PHB1: variants seen among roughly 807,000 people sequenced by gnomAD.
PHB1 encodes epididymis luminal protein 215.
chr17:49,404,384 C>T, the PHB1 span: 1 of 155,760 alleles, frequency 6.4e-6, no homozygotes, highest in African/African-American at 2.4e-5. Context: ...CCCACCTCAA[C>T]AGGGGCAGAT....
the PHB1 span, chr17:49,414,809 G>C: frequency 3.5e-3 from 536 of 152,472 alleles, 8 homozygotes; most frequent in South Asian, 0.013. Flanking sequence ...CCAGAAACGA[G>C]CCTTTGCCGC....
At chr17:49,409,057 C>T in the PHB1 span, 2 of 1,602,834 alleles carry the variant, frequency 1.2e-6, no homozygotes, top group Non-Finnish European at 1.7e-6. Context: ...ACACGTCATC[C>T]AGGATGAGCC....
chr17:49,409,756 A>T, the PHB1 span, among the ~76,000 whole-genome samples: 663 of 152,124 alleles, frequency 4.4e-3, 5 homozygotes, highest in African/African-American at 0.015. Context: ...GGCTGGTCTC[A>T]AACTCCTGAC....
chr17:49,408,283 G>A, the PHB1 span, among the ~76,000 whole-genome samples: 3 of 152,196 alleles, frequency 2.0e-5, no homozygotes, highest in Non-Finnish European at 2.9e-5. Context: ...CACAGATGCC[G>A]GGGGAGGCAG....
the PHB1 span, among the ~76,000 whole-genome samples, chr17:49,408,232 G>A: frequency 6.6e-6 from 1 of 152,190 alleles, no homozygotes; most frequent in Non-Finnish European, 1.5e-5. Flanking sequence ...AGTGCCCAGG[G>A]GTTAGCACTG....
the PHB1 span, chr17:49,409,006 G>A: frequency 3.8e-6 from 5 of 1,331,170 alleles, no homozygotes; most frequent in South Asian, 6.7e-5. Context: ...GAGAACTGCA[G>A]CCCCTTCCCC....
At chr17:49,409,556 T>TG in the PHB1 span, 1 of 970,370 alleles carries the variant, frequency 1.0e-6, no homozygotes, top group Non-Finnish European at 1.4e-6. Context: ...TTTTTTTTTT[T>TG]TTGAGACAGG....
chr17:49,413,824 C>T, the PHB1 span, among the ~76,000 whole-genome samples: 8 of 151,854 alleles, frequency 5.3e-5, no homozygotes, highest in African/African-American at 9.7e-5. Flanking sequence ...CTCTTTTTTT[C>T]TCAACCATTT....
chr17:49,413,171 C>A, the PHB1 span: 1 of 1,606,336 alleles, frequency 6.2e-7, no homozygotes, highest in Non-Finnish European at 8.5e-7. Context: ...TCCCTCCATG[C>A]CTCACCATTA....
At chr17:49,411,606 C>A in the PHB1 span, 1 of 1,351,288 alleles carries the variant, frequency 7.4e-7, no homozygotes, top group Admixed American at 1.8e-5. Context: ...CCCACAGATG[C>A]TCCTGTGACA....
the PHB1 span, chr17:49,411,875 C>T: frequency 6.3e-7 from 1 of 1,597,318 alleles, no homozygotes; most frequent in Non-Finnish European, 8.6e-7. Flanking sequence ...CATAAAAATC[C>T]TCTCATCCTT....
At chr17:49,413,359 C>T in the PHB1 span, 1 of 815,340 alleles carries the variant, frequency 1.2e-6, no homozygotes, top group South Asian at 1.5e-5. Flanking sequence ...CTCTCTGACA[C>T]ACAACAGTCA....
At chr17:49,405,765 C>CACAA in the PHB1 span, among the ~76,000 whole-genome samples, 1,663 of 151,304 alleles carry the variant, frequency 0.011, 41 homozygotes, top group Admixed American at 0.063. Context: ...ACAGAGCTGT[C>CACAA]ACAAACAAAC....
At chr17:49,413,340 G>C in the PHB1 span, 2 of 1,019,154 alleles carry the variant, frequency 2.0e-6, no homozygotes, top group African/African-American at 3.1e-5. Flanking sequence ...CAAATCCTCA[G>C]AGAAGGCCCT....
chr17:49,404,749 T>C, the PHB1 span: 1 of 543,010 alleles, frequency 1.8e-6, no homozygotes, highest in Non-Finnish European at 3.3e-6. Flanking sequence ...CTGGTTTGCA[T>C]AGGCACTTGG....
chr17:49,409,189 GT>G, the PHB1 span: 1 of 1,585,194 alleles, frequency 6.3e-7, no homozygotes, highest in East Asian at 2.2e-5. Flanking sequence ...AGAAGGGCAG[GT>G]CAGGTTAATG....
chr17:49,404,224 A>G, the PHB1 span: 1 of 152,704 alleles, frequency 6.5e-6, no homozygotes, highest in Admixed American at 6.5e-5. Context: ...GCAATCCTTC[A>G]AGTTGGAATT....
chr17:49,408,864 G>A, the PHB1 span: 1 of 573,398 alleles, frequency 1.7e-6, no homozygotes, highest in Non-Finnish European at 3.1e-6. Flanking sequence ...GAAGGTAAAA[G>A]AACCCTCAAC....
chr17:49,410,053 C>T, the PHB1 span, among the ~76,000 whole-genome samples: 5 of 151,426 alleles, frequency 3.3e-5, no homozygotes, highest in East Asian at 3.9e-4. Flanking sequence ...CAGCTAATCT[C>T]TGTACTTTTT....
Sources: gnomAD v4.1 joint callset for allele counts (sites outside exome capture counted in the v4.1 genomes callset) on GRCh38, gnomAD v4.1.1 for gene constraint, MANE v1.5 for transcripts, NCBI Gene and HGNC (gene_info 2026-07-23, HGNC 2026-07-21) for gene names.